The following BBX variants were observed in gnomAD, a reference collection of about 807,000 sequenced individuals.
BBX encodes HMG box transcription factor BBX.
BBX carries 30 observed loss-of-function variants against 100.2 expected under a neutral mutation model. That is an observed-to-expected ratio of 0.30 (90% CI 0.22 to 0.41). The LOEUF is 0.41. Among genes scored for constraint, BBX ranks in the 10% least tolerant of loss-of-function variants. The probability of loss-of-function intolerance (pLI) is 1.00; values close to 1 mark genes in which losing one functional copy is unlikely to be tolerated. For synonymous variants in BBX, 376 were observed against 388.1 expected (o/e 0.97, Z 0.37); for missense variants, 1,023 against 1,129.8 (o/e 0.91, Z 1.35).
chr3:107,763,389 C>T (rs1198125445), intron 10 of BBX, among the ~76,000 whole-genome samples: 1 of 152,110 alleles, frequency 6.6e-6, no homozygotes, highest in Non-Finnish European at 1.5e-5. Context: ...TATTTTTCCA[C>T]TGATCATTTT....
At chr3:107,580,638 T>G (rs2052203242) in intron 2 of BBX, among the ~76,000 whole-genome samples, 1 of 151,554 alleles carries the variant, frequency 6.6e-6, no homozygotes. Context: ...CTCAATTTTT[T>G]TTTTTAATTG....
chr3:107,587,945 T>A (rs1334309978), intron 2 of BBX, among the ~76,000 whole-genome samples: 1 of 152,218 alleles, frequency 6.6e-6, no homozygotes, highest in South Asian at 2.1e-4. Context: ...CTTTAGTAAT[T>A]CACAGTTTTA....
intron 3 of BBX, among the ~76,000 whole-genome samples, chr3:107,700,947 T>G (rs962550985): frequency 1.3e-4 from 19 of 151,804 alleles, no homozygotes; most frequent in African/African-American, 1.9e-4. Context: ...ATCCTTTGGG[T>G]ATATACCCAG....
At chr3:107,737,888 T>TTTTTTTG (rs1560069657) in intron 7 of BBX, among the ~76,000 whole-genome samples, 2 of 124,874 alleles carry the variant, frequency 1.6e-5, no homozygotes, top group Non-Finnish European at 3.3e-5. Flanking sequence ...GTTCCAGTTT[T>TTTTTTTG]TTTTTTTTTT....
chr3:107,627,796 T>C (rs561518141), intron 2 of BBX, among the ~76,000 whole-genome samples: 1 of 152,204 alleles, frequency 6.6e-6, no homozygotes, highest in South Asian at 2.1e-4. Flanking sequence ...TATTTTTATA[T>C]GTTGTAAGAA....
At chr3:107,749,710 T>G (rs1360475198) in intron 9 of BBX, among the ~76,000 whole-genome samples, 3 of 151,634 alleles carry the variant, frequency 2.0e-5, no homozygotes, top group Admixed American at 2.0e-4. Flanking sequence ...CTCGGCTCAC[T>G]GCAACCTCCA....
intron 3 of BBX, among the ~76,000 whole-genome samples, chr3:107,669,236 G>T (rs1169065110): frequency 6.6e-6 from 1 of 152,086 alleles, no homozygotes; most frequent in Non-Finnish European, 1.5e-5. Context: ...ATGCTGTAGA[G>T]AATTAAGAAT....
intron 2 of BBX, among the ~76,000 whole-genome samples, chr3:107,546,095 C>T (rs2049221030): frequency 6.6e-6 from 1 of 152,208 alleles, no homozygotes; most frequent in Non-Finnish European, 1.5e-5. Context: ...CACTGTAATA[C>T]ACAACCTGTC....
At chr3:107,570,349 G>T (rs200398887) in intron 2 of BBX, among the ~76,000 whole-genome samples, 1 of 152,070 alleles carries the variant, frequency 6.6e-6, no homozygotes, top group East Asian at 1.9e-4. Flanking sequence ...TTCTAATGTC[G>T]GGGGCGGGTT....
rs917202447 is a variant in BBX, at chr3:107,586,836, C to T, written c.-83-59000C>T. 1.1e-4 allele frequency among the ~76,000 whole-genome samples: 16 copies of T among 151,914 alleles called. 1 individual carries two copies. The highest frequency in any genetic ancestry group is 1.3e-4 in the Admixed American group (2 of 15,256). On this transcript the variant is annotated intron_variant, in intron 2 of 17. Coordinates refer to ENST00000325805, the MANE Select transcript of BBX (RefSeq NM_001142568.3). Reference sequence around the variant, plus strand: ...TGCGATCTCAGCTCACTGCAACCTCCGCCTCCGAGGTTCAAGCGATTCTCC... The same window carrying T: ...TGCGATCTCAGCTCACTGCAACCTCTGCCTCCGAGGTTCAAGCGATTCTCC...
At chr3:107,527,253 G>C (rs936779894) in intron 2 of BBX, among the ~76,000 whole-genome samples, 3 of 151,860 alleles carry the variant, frequency 2.0e-5, no homozygotes, top group Admixed American at 6.6e-5. Context: ...AGGTACTCTT[G>C]AGTTGTTGAT....
chr3:107,592,801 C>G (rs1669756336), intron 2 of BBX, among the ~76,000 whole-genome samples: 1 of 152,104 alleles, frequency 6.6e-6, no homozygotes, highest in African/African-American at 2.4e-5. Context: ...AGCCTCCCAC[C>G]TCCACACATG....
intron 10 of BBX, among the ~76,000 whole-genome samples, chr3:107,763,162 G>A (rs898537490): frequency 6.6e-6 from 1 of 151,694 alleles, no homozygotes. Context: ...CAAGGTTTTC[G>A]CACAGGGGAT....
intron 2 of BBX, among the ~76,000 whole-genome samples, chr3:107,617,144 G>A (rs1246801212): frequency 2.6e-5 from 4 of 152,122 alleles, no homozygotes; most frequent in African/African-American, 9.7e-5. Context: ...GTGTGAAAAG[G>A]CTATCCTTCC....
intron 2 of BBX, among the ~76,000 whole-genome samples, chr3:107,533,049 G>A (rs1030798371): frequency 6.6e-6 from 1 of 151,978 alleles, no homozygotes; most frequent in Non-Finnish European, 1.5e-5. Context: ...ACTGTCATGG[G>A]ATTGTTTAAA....
intron 3 of BBX, among the ~76,000 whole-genome samples, chr3:107,698,980 A>G (rs1033074581): frequency 1.3e-5 from 2 of 151,772 alleles, no homozygotes; most frequent in Non-Finnish European, 2.9e-5. Flanking sequence ...GAAAAGGACT[A>G]TGGGCAGGAG....
intron 2 of BBX, among the ~76,000 whole-genome samples, chr3:107,555,067 TCAAAA>T (rs2049992274): frequency 6.9e-6 from 1 of 145,500 alleles, no homozygotes; most frequent in Non-Finnish European, 1.5e-5. Flanking sequence ...AAACTCCGTC[TCAAAA>T]CAACAACAAC....
At chr3:107,524,969 C>T (rs948802365) in intron 1 of BBX, among the ~76,000 whole-genome samples, 3 of 151,468 alleles carry the variant, frequency 2.0e-5, no homozygotes, top group Non-Finnish European at 2.9e-5. Context: ...GCTGCCGTTC[C>T]CGGGGTGGCT....
chr3:107,790,726 A>G (rs1576827159), intron 14 of BBX, among the ~76,000 whole-genome samples: 1 of 152,044 alleles, frequency 6.6e-6, no homozygotes, highest in African/African-American at 2.4e-5. Flanking sequence ...TCCTACTTGC[A>G]TGGCCAGATG....
Sources: gnomAD v4.1 joint callset for allele counts (sites outside exome capture counted in the v4.1 genomes callset) on GRCh38, gnomAD v4.1.1 for gene constraint, MANE v1.5 for transcripts, NCBI Gene and HGNC (gene_info 2026-07-23, HGNC 2026-07-21) for gene names.